Variants in SMARCC2 observed in about 807,000 individuals in gnomAD.
SMARCC2 encodes SWI/SNF related BAF chromatin remodeling complex subunit C2, also known as SWI/SNF complex subunit SMARCC2.
Under a neutral mutation model 151.3 loss-of-function variants are expected in SMARCC2, and 15 were observed. The observed-to-expected ratio is 0.10, with a 90% CI of 0.07 to 0.15. SMARCC2 has a LOEUF of 0.15. Among genes scored for constraint, SMARCC2 ranks in the 10% least tolerant of loss-of-function variants. The pLI, the probability that SMARCC2 is intolerant of heterozygous loss-of-function variation, is 1.00. For missense variants in SMARCC2, 1,031 were observed against 1,599.7 expected (o/e 0.64, Z 6.06); for synonymous variants, 590 against 609.5 (o/e 0.97, Z 0.47).
intron 15 of SMARCC2, among the ~76,000 whole-genome samples, chr12:56,177,273 C>A (rs1875212579): frequency 6.6e-6 from 1 of 152,046 alleles, no homozygotes; most frequent in African/African-American, 2.4e-5. Flanking sequence ...GATACGGGGT[C>A]TTGCCGTGTC....
chr12:56,169,739 T>C (rs768179539), intron 24 of SMARCC2, 37 bp downstream of exon 24: 106 of 1,613,970 alleles, frequency 6.6e-5, no homozygotes, highest in Non-Finnish European at 8.7e-5. Context: ...GCTTCACCTC[T>C]GTCCTGCACC....
intron 17 of SMARCC2, 74 bp from the exon 18 acceptor site, chr12:56,173,103 C>T (rs1376802860): frequency 2.2e-6 from 3 of 1,384,540 alleles, no homozygotes; most frequent in Admixed American, 3.5e-5. Context: ...GCCTCAAGAC[C>T]ATATGCTGGG....
At chr12:56,168,380 T>C in intron 25 of SMARCC2, among the ~76,000 whole-genome samples, 186 bp from the exon 26 acceptor site, 1 of 151,566 alleles carries the variant, frequency 6.6e-6, no homozygotes. Flanking sequence ...TTTTCTTTTT[T>C]CTTTTTTTTT....
rs1338350650 is a variant in SMARCC2, at chr12:56,162,501, G to C, written c.*1188C>G. Reference sequence around the variant, plus strand: ...TGGGGACATGAGGAACAAAGGGCCTGGTGGGAGGAACCAAGAAGAACCAGT... The same window carrying C: ...TGGGGACATGAGGAACAAAGGGCCTCGTGGGAGGAACCAAGAAGAACCAGT... On this transcript the variant is annotated 3_prime_UTR_variant, in exon 29 of 29. Coordinates refer to ENST00000550164, the MANE Select transcript of SMARCC2 (RefSeq NM_001330288.2). The C allele has an allele frequency of 1.8e-6, 1 of 563,542 alleles. No homozygotes were observed. The highest frequency in any genetic ancestry group is 3.1e-6 in the Non-Finnish European group (1 of 322,470). The allele number at this position is 563,542 out of a possible 1,614,324, so 34.9% of individuals were successfully genotyped here.
At chr12:56,180,730 A>C (rs1565916036) in intron 11 of SMARCC2, among the ~76,000 whole-genome samples, 1 of 152,336 alleles carries the variant, frequency 6.6e-6, no homozygotes, top group African/African-American at 2.4e-5. Context: ...TACTGTCAGA[A>C]ACACATAATC....
At chr12:56,172,818 G>A in intron 18 of SMARCC2, 114 bp from the exon 19 acceptor site, 1 of 1,569,434 alleles carries the variant, frequency 6.4e-7, no homozygotes. Flanking sequence ...GGACACCCCT[G>A]GGTGGGACTT....
intron 16 of SMARCC2, among the ~76,000 whole-genome samples, chr12:56,174,335 C>A (rs369346725): frequency 6.6e-6 from 1 of 152,154 alleles, no homozygotes; most frequent in Non-Finnish European, 1.5e-5. Flanking sequence ...TGGTCTCGAA[C>A]TTCTGGGCTC....
chr12:56,163,858 T>C (rs1412044408), intron 28 of SMARCC2, 93 bp from the exon 29 acceptor site: 1 of 778,094 alleles, frequency 1.3e-6, no homozygotes, highest in Non-Finnish European at 2.0e-6. Flanking sequence ...GGGCATGGCA[T>C]GCAGTGGCTG....
At position 56,164,324 on chromosome 12, in the gene SMARCC2, G is replaced by A; in HGVS notation, c.3640C>T (p.Pro1214Ser). The A allele has an allele frequency of 6.2e-7, 1 of 1,613,130 alleles. No homozygotes were observed. The highest frequency in any genetic ancestry group is 8.5e-7 in the Non-Finnish European group (1 of 1,179,938). The part of the protein sequence containing the change: ...IVAAVQGNLL[P>S]SASPLPDPGT... ...TCACCTGGCAGTGGGCTGGCACTGG[G>A]CAGGAGGTTGCCCTGAACAGCTGCC... Residue 1214 changes from proline (P) to serine (S), a missense_variant, in exon 28 of 29, where the codon CCC (proline) becomes TCC (serine). Pro to Ser is a moderately conservative substitution (Grantham distance 74). Transcript: ENST00000550164.
intron 1 of SMARCC2, among the ~76,000 whole-genome samples, chr12:56,187,630 T>C (rs1448689810): frequency 6.6e-6 from 1 of 152,008 alleles, no homozygotes; most frequent in Non-Finnish European, 1.5e-5. Flanking sequence ...GCACTGAGGG[T>C]TGTAAAATTC....
intron 25 of SMARCC2, among the ~76,000 whole-genome samples, chr12:56,169,314 G>A (rs1417020773): frequency 1.3e-5 from 2 of 152,200 alleles, no homozygotes; most frequent in Non-Finnish European, 2.9e-5. Flanking sequence ...GTAACATGGA[G>A]TCAAATACTG....
chr12:56,183,978 C>CA (rs199928028), intron 6 of SMARCC2, 48 bp from the exon 7 acceptor site: 60 of 1,408,898 alleles, frequency 4.3e-5, no homozygotes, highest in African/African-American at 1.0e-4. Context: ...AAGGGGGACA[C>CA]AAAAAAAATA....
chr12:56,168,160 G>T lies in SMARCC2; in HGVS notation c.2750C>A (p.Ser917Tyr). The change falls in exon 26 of 29, where the codon TCT becomes TAT. Residue 917 changes from serine (S) to tyrosine (Y), a missense_variant. Coordinates refer to ENST00000550164, the MANE Select transcript of SMARCC2 (RefSeq NM_001330288.2). The stretch of plus-strand genomic sequence containing the variant: ...GGTCTCCACCAGCAGGGCCACCAAA[G>T]ATTTGATCTTCCTTTCCTCAACAGC... ...LAAVEERKIKSLVALLVETQM... is the reference protein window; with the variant it reads ...LAAVEERKIKYLVALLVETQM... The T allele has an allele frequency of 6.2e-7, 1 of 1,614,150 alleles. No individual in the cohort carries two copies. Among genetic ancestry groups the T allele is most frequent in the Non-Finnish European group, 8.5e-7 (1 of 1,180,024 alleles).
chr12:56,172,628 C>T lies in SMARCC2; in HGVS notation c.1820G>A (p.Gly607Glu). The T allele has an allele frequency of 6.2e-7, 1 of 1,614,126 alleles. No individual in the cohort carries two copies. Among genetic ancestry groups the T allele is most frequent in the Non-Finnish European group, 8.5e-7 (1 of 1,180,032 alleles). ...KEKPTDMQNFGLRTDMYTKKN... is the reference protein window; with the variant it reads ...KEKPTDMQNFELRTDMYTKKN... Reference sequence around the variant, plus strand: ...TTTTGTGTACATGTCTGTGCGCAGCCCAAAGTTTTGCATGTCTGTTGGTTT... The same window carrying T: ...TTTTGTGTACATGTCTGTGCGCAGCTCAAAGTTTTGCATGTCTGTTGGTTT... Residue 607 changes from glycine (G) to glutamate (E), a missense_variant, in exon 19 of 29, where the codon GGG (glycine) becomes GAG (glutamate). Gly to Glu is a moderately conservative substitution (Grantham distance 98, BLOSUM62 -2). Coordinates refer to ENST00000550164, the MANE Select transcript of SMARCC2 (RefSeq NM_001330288.2).
rs148204813 is a variant in SMARCC2, at chr12:56,181,529, G to T, written c.909C>A (p.Pro303=). 4 of 1,575,184 alleles carry T rather than the reference G, an allele frequency of 2.5e-6. No homozygotes were observed. Among genetic ancestry groups the T allele is most frequent in the South Asian group, 2.4e-5 (2 of 83,164 alleles). Reference sequence around the variant, plus strand: ...TTGCTTCTGGGGTTGGTGAAGGAGAGGGGGAGCGCTTCCTCTTCTTATAGT... The same window carrying T: ...TTGCTTCTGGGGTTGGTGAAGGAGATGGGGAGCGCTTCCTCTTCTTATAGT... ...GGNYKKRKRS[P]SPSPTPEAKK... Residue 303 remains proline (P), a synonymous_variant, in exon 10 of 29, where the codon CCC becomes CCA. Transcript: ENST00000550164.
chr12:56,165,790 C>G (rs555629129), intron 26 of SMARCC2, 91 bp from the exon 27 acceptor site: 10 of 1,313,538 alleles, frequency 7.6e-6, no homozygotes, highest in African/African-American at 7.2e-5. Context: ...TCTGAAAGAG[C>G]CTGCCTCTCA....
chr12:56,184,976 G>T (rs773051772), intron 4 of SMARCC2, 40 bp from the exon 5 acceptor site: 3 of 1,587,068 alleles, frequency 1.9e-6, no homozygotes, highest in Non-Finnish European at 1.7e-6. Flanking sequence ...TAGGAAAGGG[G>T]TGTTTTAGAT....
chr12:56,181,196 C>G (rs1339471169), intron 10 of SMARCC2, 95 bp from the exon 11 acceptor site: 14 of 1,297,716 alleles, frequency 1.1e-5, no homozygotes, highest in African/African-American at 8.9e-5. Flanking sequence ...ACAGAGAATT[C>G]CAAGGGTAGA....
At chr12:56,184,088 G>C in intron 6 of SMARCC2, 87 bp downstream of exon 6, 1 of 1,102,216 alleles carries the variant, frequency 9.1e-7, no homozygotes, top group South Asian at 1.3e-5. Context: ...AAGAAGAGGA[G>C]GAGCCCAGGT....
Sources: gnomAD v4.1 joint callset for allele counts (sites outside exome capture counted in the v4.1 genomes callset) on GRCh38, gnomAD v4.1.1 for gene constraint, MANE v1.5 for transcripts, NCBI Gene and HGNC (gene_info 2026-07-23, HGNC 2026-07-21) for gene names.